The following SORCS3 variants were observed in gnomAD, a reference collection of about 807,000 sequenced individuals.
The protein encoded by SORCS3 is sortilin related VPS10 domain containing receptor 3.
A neutral mutation model predicts 146.3 loss-of-function variants in SORCS3; 57 were observed. The ratio of observed to expected loss-of-function variants is 0.39; its 90% CI spans 0.31 to 0.49. SORCS3 has a LOEUF of 0.49. Among genes scored for constraint, SORCS3 ranks in the 20% least tolerant of loss-of-function variants. The probability of loss-of-function intolerance (pLI) is 0.92; values close to 1 mark genes in which losing one functional copy is unlikely to be tolerated. For synonymous variants in SORCS3, 653 were observed against 618.5 expected, an observed-to-expected ratio of 1.06 and a Z score of -0.83; for missense variants, 1,341 against 1,575.5, an observed-to-expected ratio of 0.85 and a Z score of 2.52.
At chr10:105,169,206 T>G (rs1053741741) in intron 13 of SORCS3, among the ~76,000 whole-genome samples, 2 of 152,156 alleles carry the variant, frequency 1.3e-5, no homozygotes, top group African/African-American at 4.8e-5. Flanking sequence ...AAGTTCGATT[T>G]CTGTCATGGA....
At chr10:104,826,518 A>G (rs1051263309) in intron 1 of SORCS3, among the ~76,000 whole-genome samples, 22 of 152,200 alleles carry the variant, frequency 1.4e-4, no homozygotes, top group African/African-American at 5.3e-4. Flanking sequence ...GTCATCTATT[A>G]AGTGTTAAGT....
At chr10:104,900,822 A>G (rs1015353579) in intron 2 of SORCS3, among the ~76,000 whole-genome samples, 1 of 132,456 alleles carries the variant, frequency 7.5e-6, no homozygotes, top group Admixed American at 9.4e-5. Flanking sequence ...TAAACCTGGG[A>G]GGTGGAGGTT....
At chr10:104,818,045 G>A (rs190245527) in intron 1 of SORCS3, among the ~76,000 whole-genome samples, 3 of 152,192 alleles carry the variant, frequency 2.0e-5, no homozygotes, top group African/African-American at 7.2e-5. Flanking sequence ...GATTAAACAT[G>A]TTTGGCCTGC....
At chr10:105,139,784 AG>A (rs2056083102) in intron 8 of SORCS3, among the ~76,000 whole-genome samples, 1 of 152,120 alleles carries the variant, frequency 6.6e-6, no homozygotes, top group African/African-American at 2.4e-5. Context: ...ATCTCCTCTG[AG>A]GGGCTCTCCC....
chr10:105,123,628 C>T (rs956104676), intron 7 of SORCS3, among the ~76,000 whole-genome samples: 1 of 152,032 alleles, frequency 6.6e-6, no homozygotes. Context: ...CCTGCCATAA[C>T]AGGGTTTATA....
At chr10:104,993,916 A>G (rs2133665467) in intron 4 of SORCS3, among the ~76,000 whole-genome samples, 1 of 152,324 alleles carries the variant, frequency 6.6e-6, no homozygotes, top group Admixed American at 6.5e-5. Flanking sequence ...TCAATAGCAG[A>G]GTCTGACAAA....
At chr10:104,941,520 ATCT>A (rs1417121278) in intron 3 of SORCS3, among the ~76,000 whole-genome samples, 1 of 152,118 alleles carries the variant, frequency 6.6e-6, no homozygotes, top group Non-Finnish European at 1.5e-5. Context: ...GGCTGTGCAC[ATCT>A]TCTTTAGGGT....
At chr10:105,146,198 T>C (rs961425588) in intron 8 of SORCS3, among the ~76,000 whole-genome samples, 1 of 152,096 alleles carries the variant, frequency 6.6e-6, no homozygotes, top group African/African-American at 2.4e-5. Context: ...TGATTATCCA[T>C]GTCCTCCTGA....
At chr10:104,785,066 G>A (rs1280730944) in intron 1 of SORCS3, among the ~76,000 whole-genome samples, 1 of 151,476 alleles carries the variant, frequency 6.6e-6, no homozygotes, top group Non-Finnish European at 1.5e-5. Flanking sequence ...GCGGCTGGCC[G>A]GGCAGGGGGG....
At chr10:104,875,734 T>A (rs963827963) in intron 2 of SORCS3, among the ~76,000 whole-genome samples, 2 of 152,158 alleles carry the variant, frequency 1.3e-5, no homozygotes, top group Non-Finnish European at 2.9e-5. Context: ...ATAGATGGTC[T>A]CATGGGCTCA....
chr10:105,224,934 G>T (rs570050007), intron 20 of SORCS3, among the ~76,000 whole-genome samples: 2 of 152,034 alleles, frequency 1.3e-5, no homozygotes, highest in African/African-American at 2.4e-5. Context: ...AAATCAGATT[G>T]TTCCATTACT....
In SORCS3 at chr10:104,757,859, C is replaced by T. The variant is rs1242906260; in HGVS notation, c.628-84933C>T. Among the ~76,000 whole-genome samples, 10 of 3,614 alleles carry T rather than the reference C, an allele frequency of 2.8e-3. No homozygotes were observed. The South Asian group carries it at 0.12, about 45-fold the overall frequency. 2.4% of individuals were successfully genotyped at this position (3,614 alleles called of 152,430 possible). A position where few individuals can be genotyped will look rare whatever the true frequency, so the allele number is the denominator to read the frequency against. ...ACTTGCGGTTCCCCACTGCCACCAC[C>T]CCCCCCCCCACACCCGCTGCCTTGA... On this transcript the variant is annotated intron_variant, in intron 1 of 26. Transcript: ENST00000369701.
chr10:105,068,357 C>T (rs1284754087), intron 5 of SORCS3, among the ~76,000 whole-genome samples: 1 of 152,214 alleles, frequency 6.6e-6, no homozygotes, highest in East Asian at 1.9e-4. Context: ...CGCTCACACC[C>T]TCTTGGCCCC....
intron 1 of SORCS3, among the ~76,000 whole-genome samples, chr10:104,659,482 C>G (rs1207424993): frequency 6.6e-6 from 1 of 152,132 alleles, no homozygotes; most frequent in Admixed American, 6.5e-5. Flanking sequence ...AATTTCCCCC[C>G]AGAATGTAGC....
intron 9 of SORCS3, among the ~76,000 whole-genome samples, chr10:105,154,326 G>C (rs958878006): frequency 1.3e-5 from 2 of 152,136 alleles, no homozygotes; most frequent in African/African-American, 4.8e-5. Flanking sequence ...GGCAGATCAT[G>C]GTAATTGCTT....
chr10:104,961,768 T>C lies in SORCS3; in HGVS notation c.796-15567T>C, dbSNP rs192799744. Reference sequence around the variant, plus strand: ...TTGAGATGAAGCTAGCTTCTCTGTCTAGTAGGGCACTGATGAACCCCAAAT... The same window carrying C: ...TTGAGATGAAGCTAGCTTCTCTGTCCAGTAGGGCACTGATGAACCCCAAAT... On this transcript the variant is annotated intron_variant, in intron 3 of 26. Transcript: ENST00000369701. 3.3e-3 allele frequency among the ~76,000 whole-genome samples: 502 copies of C among 152,270 alleles called. 5 individuals carry two copies. Among genetic ancestry groups the C allele is most frequent in the African/African-American group, 0.011 (449 of 41,556 alleles).
chr10:105,129,666 C>CACACAT (rs926378726), intron 7 of SORCS3, among the ~76,000 whole-genome samples: 1 of 151,300 alleles, frequency 6.6e-6, no homozygotes, highest in Non-Finnish European at 1.5e-5. Flanking sequence ...CTCAAATACA[C>CACACAT]ACACACACAC....
chr10:104,728,057 ATCT>A (rs1214608871), intron 1 of SORCS3, among the ~76,000 whole-genome samples: 3 of 149,970 alleles, frequency 2.0e-5, no homozygotes, highest in Non-Finnish European at 2.9e-5. Flanking sequence ...CTATCTATCT[ATCT>A]ATCTATCTAT....
chr10:105,152,438 C>G (rs914763769), intron 9 of SORCS3, among the ~76,000 whole-genome samples: 3 of 152,120 alleles, frequency 2.0e-5, no homozygotes, highest in African/African-American at 7.2e-5. Flanking sequence ...TTTTTCCATA[C>G]TAATTTTCAT....
Sources: gnomAD v4.1 joint callset for allele counts (sites outside exome capture counted in the v4.1 genomes callset) on GRCh38, gnomAD v4.1.1 for gene constraint, MANE v1.5 for transcripts, NCBI Gene and HGNC (gene_info 2026-07-23, HGNC 2026-07-21) for gene names.